Variants in TP73 observed in about 807,000 individuals in gnomAD.
The protein encoded by TP73 is p53-like transcription factor.
TP73 carries 25 observed loss-of-function variants against 62.5 expected under a neutral mutation model. The ratio of observed to expected loss-of-function variants is 0.40; its 90% CI spans 0.29 to 0.56. TP73 has a LOEUF of 0.56. TP73 is among the 20% of genes least tolerant of loss of function. The pLI is 0.46. For missense variants in TP73, 754 were observed against 913.3 expected, an observed-to-expected ratio of 0.83 and a Z score of 2.25; for synonymous variants, 423 against 377.5, an observed-to-expected ratio of 1.12 and a Z score of -1.40.
intron 1 of TP73, among the ~76,000 whole-genome samples, chr1:3,659,738 G>A (rs1169451479): frequency 1.3e-5 from 2 of 152,242 alleles, no homozygotes; most frequent in South Asian, 2.1e-4. Flanking sequence ...CTAGAGTGTA[G>A]TGGCATCATC....
intron 3 of TP73, among the ~76,000 whole-genome samples, chr1:3,692,224 T>C (rs959786469): frequency 1.3e-5 from 2 of 152,110 alleles, no homozygotes; most frequent in African/African-American, 2.4e-5. Flanking sequence ...TACATGGATG[T>C]CTGTGCCTGT....
intron 4 of TP73, chr1:3,708,153 G>A (rs1639830814): frequency 3.1e-6 from 1 of 323,304 alleles, no homozygotes; most frequent in Non-Finnish European, 5.9e-6. Context: ...CTGCTGCCAA[G>A]AGTTGTCTGT....
chr1:3,716,282 C>T lies in TP73; in HGVS notation c.430-5739C>T, dbSNP rs543545776. On this transcript the variant is annotated intron_variant, in intron 4 of 13. Coordinates refer to ENST00000378295, the MANE Select transcript of TP73 (RefSeq NM_005427.4). ...AGCAGACACATCTGTCTCCTGCAGC[C>T]CCCCCAGCCAGGAGCTCTTTCACAG... Among the ~76,000 whole-genome samples, 383 of 152,310 alleles carry T rather than the reference C, an allele frequency of 2.5e-3. 1 individual carries two copies. The highest frequency in any genetic ancestry group is 4.4e-3 in the Non-Finnish European group (296 of 68,012).
chr1:3,687,701 C>T (rs1341944145), intron 3 of TP73, among the ~76,000 whole-genome samples: 1 of 152,108 alleles, frequency 6.6e-6, no homozygotes, highest in Non-Finnish European at 1.5e-5. Flanking sequence ...CTCCCGTCCT[C>T]TCCCCTCCCC....
chr1:3,691,161 C>T (rs578028469), intron 3 of TP73, among the ~76,000 whole-genome samples: 10 of 152,248 alleles, frequency 6.6e-5, no homozygotes, highest in Admixed American at 2.0e-4. Flanking sequence ...CCTGTGCCCA[C>T]CTGCTGGGCA....
chr1:3,732,612 C>A, intron 13 of TP73, 135 bp from the exon 14 acceptor site: 1 of 768,680 alleles, frequency 1.3e-6, no homozygotes. Context: ...CTCTCCCCCT[C>A]CCCCGTCTCC....
intron 1 of TP73, among the ~76,000 whole-genome samples, chr1:3,679,802 CCT>C (rs1234650112): frequency 7.8e-6 from 1 of 128,728 alleles, no homozygotes; most frequent in African/African-American, 3.0e-5. Context: ...TCTCTTTGTC[CCT>C]GTCTCTCTGT....
rs1193034454 is a variant in TP73 at position 3,662,761 on chromosome 1, A to C, written c.-34+10120A>C. 2.0e-5 allele frequency among the ~76,000 whole-genome samples: 3 copies of C among 152,090 alleles called. No individual in the cohort carries two copies. Among genetic ancestry groups the C allele is most frequent in the Middle Eastern group, 3.2e-3 (1 of 316 alleles). On this transcript the variant is annotated intron_variant, in intron 1 of 13. Transcript: ENST00000378295. This position sits in a 1 kb window ranked among gnomAD's most constrained non-coding sequence, Gnocchi z 4.4. The stretch of plus-strand genomic sequence containing the variant: ...TCAGGGCTATGGAGGGGACATTGCA[A>C]GGGGGCCTAGAGGGGCCTCTATGGG...
intron 5 of TP73, among the ~76,000 whole-genome samples, chr1:3,722,700 A>G (rs878980218): frequency 1.8e-5 from 2 of 111,178 alleles, no homozygotes; most frequent in Non-Finnish European, 3.3e-5. Flanking sequence ...AGGGGTGGGC[A>G]CCTCTCTGCA....
At chr1:3,718,482 G>A (rs775637133) in intron 4 of TP73, among the ~76,000 whole-genome samples, 34 of 152,132 alleles carry the variant, frequency 2.2e-4, no homozygotes, top group Non-Finnish European at 4.4e-4. Context: ...TGGGAGCACT[G>A]CTGACCCTGA....
chr1:3,713,282 A>G (rs1175000241), intron 4 of TP73, among the ~76,000 whole-genome samples: 1 of 152,182 alleles, frequency 6.6e-6, no homozygotes, highest in Non-Finnish European at 1.5e-5. Flanking sequence ...GAAGCCAGGC[A>G]GCTGGGCTTG....
intron 6 of TP73, among the ~76,000 whole-genome samples, chr1:3,725,387 GAT>G: frequency 7.6e-6 from 1 of 130,962 alleles, no homozygotes; most frequent in Admixed American, 7.8e-5. Context: ...TGGATGGGTG[GAT>G]GGATGGGGGT....
At chr1:3,690,679 G>T in intron 3 of TP73, 1 of 1,412,068 alleles carries the variant, frequency 7.1e-7, no homozygotes, top group South Asian at 1.5e-5. Context: ...GTTGGATTCA[G>T]CCAGTTGACA....
At chr1:3,714,554 C>T (rs577413635) in intron 4 of TP73, among the ~76,000 whole-genome samples, 5 of 152,230 alleles carry the variant, frequency 3.3e-5, no homozygotes, top group African/African-American at 9.6e-5. Context: ...CTGGGCCCCT[C>T]GTGGGACAGC....
intron 1 of TP73, among the ~76,000 whole-genome samples, chr1:3,653,732 G>T (rs1008764038): frequency 2.0e-5 from 3 of 152,188 alleles, no homozygotes; most frequent in African/African-American, 7.2e-5. Context: ...AAAGCGCGTG[G>T]CCTCTGGCAC....
chr1:3,730,772 G>A (rs1444245491), intron 11 of TP73, among the ~76,000 whole-genome samples, 155 bp from the exon 12 acceptor site: 6 of 152,216 alleles, frequency 3.9e-5, no homozygotes, highest in African/African-American at 1.4e-4. Context: ...TTCAGCCCTT[G>A]CTCAAGCCTC....
intron 1 of TP73, among the ~76,000 whole-genome samples, chr1:3,655,515 C>T (rs557164061): frequency 4.6e-5 from 7 of 152,278 alleles, no homozygotes; most frequent in African/African-American, 1.4e-4. Flanking sequence ...GTTATTTCCT[C>T]GTGATTTTGC....
intron 1 of TP73, among the ~76,000 whole-genome samples, chr1:3,682,049 C>T (rs768374932): frequency 4.6e-5 from 7 of 152,246 alleles, no homozygotes; most frequent in Non-Finnish European, 8.8e-5. Context: ...TCCAAGGCGA[C>T]GGCTCTGAGA....
At chr1:3,706,363 G>A (rs1003944771) in intron 3 of TP73, among the ~76,000 whole-genome samples, 7 of 149,354 alleles carry the variant, frequency 4.7e-5, no homozygotes, top group East Asian at 3.9e-4. Flanking sequence ...CACGGTGCCC[G>A]CCGCAGGCCC....
Sources: allele counts gnomAD v4.1 joint callset (sites outside exome capture counted in the v4.1 genomes callset), GRCh38; gene constraint gnomAD v4.1.1; non-coding constraint Gnocchi (gnomAD v3.1); transcripts MANE v1.5; gene names NCBI Gene and HGNC (gene_info 2026-07-23, HGNC 2026-07-21).